The following PDE9A variants were observed in gnomAD, a reference collection of about 807,000 sequenced individuals.
PDE9A encodes high affinity cGMP-specific 3',5'-cyclic phosphodiesterase 9A.
PDE9A carries 60 observed loss-of-function variants against 87.4 expected under a neutral mutation model. The observed-to-expected ratio is 0.69, with a 90% CI of 0.56 to 0.85. PDE9A has a LOEUF of 0.85. PDE9A is among the 40% of genes least tolerant of loss of function. The pLI, the probability that PDE9A is intolerant of heterozygous loss-of-function variation, is 0.00. For synonymous variants in PDE9A, 272 were observed against 279.4 expected (o/e 0.97, Z 0.27); for missense variants, 665 against 779.0 (o/e 0.85, Z 1.74).
chr21:42,767,918 G>T (rs2056558052), intron 15 of PDE9A, among the ~76,000 whole-genome samples: 1 of 152,198 alleles, frequency 6.6e-6, no homozygotes, highest in Non-Finnish European at 1.5e-5. Context: ...AGAAAATAGG[G>T]GGTGACCAGG....
Position 42,743,876 on chromosome 21 carries a change from G to A in PDE9A, c.653+16G>A. On this transcript the variant is annotated intron_variant, in intron 8 of 19. Coordinates refer to ENST00000291539, the MANE Select transcript of PDE9A (RefSeq NM_002606.3). ...GAAGCAGCAGGTAGGGTCTGCGCTG[G>A]GGCCACGGGCGGCCGGGCCTGGGGA... is the stretch of plus-strand genomic sequence containing the variant. 1 of 1,512,964 alleles carries A rather than the reference G, an allele frequency of 6.6e-7. No individual in the cohort carries two copies. Among genetic ancestry groups the A allele is most frequent in the Non-Finnish European group, 9.0e-7 (1 of 1,108,194 alleles). 93.7% of individuals were successfully genotyped at this position (1,512,964 alleles called of 1,614,324 possible). A position where few individuals can be genotyped will look rare whatever the true frequency, so the allele number is the denominator to read the frequency against.
At chr21:42,751,304 C>G (rs964586385) in intron 9 of PDE9A, 107 bp downstream of exon 9, 1 of 821,276 alleles carries the variant, frequency 1.2e-6, no homozygotes, top group South Asian at 1.4e-5. Flanking sequence ...TCACATCAAC[C>G]GCCCCTCCCA....
chr21:42,661,939 G>A (rs912364155), intron 1 of PDE9A, among the ~76,000 whole-genome samples: 1 of 152,194 alleles, frequency 6.6e-6, no homozygotes, highest in Admixed American at 6.5e-5. Flanking sequence ...ACCAGCCCTG[G>A]TGGAGAGCGC....
intron 15 of PDE9A, among the ~76,000 whole-genome samples, chr21:42,766,679 A>G (rs915851030): frequency 7.2e-5 from 11 of 152,226 alleles, no homozygotes; most frequent in Non-Finnish European, 1.5e-4. Flanking sequence ...CAGGGCCACC[A>G]GAAGCCCCTT....
chr21:42,727,791 G>T (rs2051300840), intron 4 of PDE9A, among the ~76,000 whole-genome samples: 1 of 152,134 alleles, frequency 6.6e-6, no homozygotes, highest in South Asian at 2.1e-4. Flanking sequence ...GTTGTTTGTA[G>T]ATTCATTGGG....
chr21:42,663,201 CCA>C (rs979681831), intron 1 of PDE9A, among the ~76,000 whole-genome samples: 16 of 151,030 alleles, frequency 1.1e-4, no homozygotes, highest in Non-Finnish European at 1.2e-4. Context: ...ACCACACCCA[CCA>C]CACACATGCA....
At chr21:42,758,970 C>T (rs1569259077) in intron 10 of PDE9A, 29 bp from the exon 11 acceptor site, 18 of 1,563,070 alleles carry the variant, frequency 1.2e-5, no homozygotes, top group Non-Finnish European at 1.6e-5. Context: ...CACAACTGCC[C>T]AGTGCCTATC....
In PDE9A at chr21:42,716,912, G is replaced by A. The variant is rs535062098; in HGVS notation, c.263-14858G>A. Among the ~76,000 whole-genome samples, 276 of 150,712 alleles carry A rather than the reference G, an allele frequency of 1.8e-3. 3 individuals carry two copies. The highest frequency in any genetic ancestry group is 4.6e-3 in the African/African-American group (190 of 41,246). On this transcript the variant is annotated intron_variant, in intron 4 of 19. Coordinates refer to ENST00000291539, the MANE Select transcript of PDE9A (RefSeq NM_002606.3). Reference sequence around the variant, plus strand: ...ATTACAGATGTGTGCCGCCACGCCCGGCTAATTTTTTGTATTTTTAGTAGA... The same window carrying A: ...ATTACAGATGTGTGCCGCCACGCCCAGCTAATTTTTTGTATTTTTAGTAGA...
Position 42,765,579 on chromosome 21 carries a change from G to A in PDE9A, c.1356+85G>A, listed in dbSNP as rs750244246. 102 of 764,930 alleles carry A rather than the reference G, an allele frequency of 1.3e-4. 1 individual carries two copies. Among genetic ancestry groups the A allele is most frequent in the South Asian group, 1.2e-3 (85 of 69,314 alleles). 47.4% of individuals were successfully genotyped at this position (764,930 alleles called of 1,614,324 possible). A position where few individuals can be genotyped will look rare whatever the true frequency, so the allele number is the denominator to read the frequency against. ...CCATCCAGCTCACACTGGAAGCCAAGAAGCTGAAATTATTAGTCTTCTTGG... is the reference window on the plus strand; with the variant it reads ...CCATCCAGCTCACACTGGAAGCCAAAAAGCTGAAATTATTAGTCTTCTTGG... On this transcript the variant is annotated intron_variant, in intron 15 of 19. Coordinates refer to ENST00000291539, the MANE Select transcript of PDE9A (RefSeq NM_002606.3).
intron 1 of PDE9A, 94 bp downstream of exon 1, chr21:42,653,977 G>C: frequency 1.5e-6 from 1 of 678,384 alleles, no homozygotes; most frequent in Non-Finnish European, 2.4e-6. Context: ...GCGTCTGCCG[G>C]TCCAGGCTGC....
intron 1 of PDE9A, among the ~76,000 whole-genome samples, chr21:42,671,959 G>A (rs1171196578): frequency 1.3e-5 from 2 of 151,914 alleles, no homozygotes; most frequent in Non-Finnish European, 2.9e-5. Context: ...CGGCTGAGAT[G>A]TGCCTGTTTG....
Position 42,697,562 on chromosome 21 carries a change from C to T in PDE9A, c.219-1406C>T, listed in dbSNP as rs1252143570. 9 of 938,324 alleles carry T rather than the reference C, an allele frequency of 9.6e-6. 1 individual carries two copies. The East Asian group carries it at 2.2e-4, about 22-fold the overall frequency. 58.1% of individuals were successfully genotyped at this position (938,324 alleles called of 1,614,324 possible). On this transcript the variant is annotated intron_variant, in intron 3 of 19. Coordinates refer to ENST00000291539, the MANE Select transcript of PDE9A (RefSeq NM_002606.3). ...ACTGCAGTGTCTCAGTCTGTCTGAA[C>T]TTAAACAGCTAGACATTGAGTTCTC... is the stretch of plus-strand genomic sequence containing the variant.
At chr21:42,667,224 G>T (rs1043424959) in intron 1 of PDE9A, among the ~76,000 whole-genome samples, 1 of 152,160 alleles carries the variant, frequency 6.6e-6, no homozygotes, top group Admixed American at 6.5e-5. Flanking sequence ...TGGATGAGGG[G>T]GTCCAACTTC....
At chr21:42,683,515 G>A (rs1045560865) in intron 1 of PDE9A, among the ~76,000 whole-genome samples, 3 of 152,214 alleles carry the variant, frequency 2.0e-5, no homozygotes, top group African/African-American at 4.8e-5. Context: ...TGAGTTGAGA[G>A]TCCCAGGAGT....
chr21:42,706,051 C>T (rs1381584723), intron 4 of PDE9A, among the ~76,000 whole-genome samples: 3 of 152,192 alleles, frequency 2.0e-5, no homozygotes, highest in Non-Finnish European at 4.4e-5. Flanking sequence ...CAGAGGAGGC[C>T]GGCGGCCGGC....
intron 7 of PDE9A, chr21:42,734,691 T>C (rs2052206246): frequency 6.6e-6 from 1 of 152,216 alleles, no homozygotes; most frequent in South Asian, 2.1e-4. Flanking sequence ...TCCTGAAACA[T>C]GATTTACATA....
At chr21:42,710,452 T>C (rs2049232453) in intron 4 of PDE9A, among the ~76,000 whole-genome samples, 1 of 151,816 alleles carries the variant, frequency 6.6e-6, no homozygotes. Context: ...TGCCAAGCTG[T>C]TCTACCAAGA....
At chr21:42,662,557 A>C (rs562672697) in intron 1 of PDE9A, among the ~76,000 whole-genome samples, 1 of 146,748 alleles carries the variant, frequency 6.8e-6, no homozygotes, top group African/African-American at 2.5e-5. Flanking sequence ...CATGCACATC[A>C]CACACAAGCA....
At chr21:42,712,263 T>A (rs559459047) in intron 4 of PDE9A, among the ~76,000 whole-genome samples, 2 of 152,338 alleles carry the variant, frequency 1.3e-5, no homozygotes, top group South Asian at 4.1e-4. Flanking sequence ...TTAACTTTAC[T>A]CCAAAGTGTT....
Sources: allele counts gnomAD v4.1 joint callset (sites outside exome capture counted in the v4.1 genomes callset), GRCh38; gene constraint gnomAD v4.1.1; transcripts MANE v1.5; gene names NCBI Gene and HGNC (gene_info 2026-07-23, HGNC 2026-07-21).